The following DNAAF5 variants were observed in gnomAD, a reference collection of about 807,000 sequenced individuals.
The protein encoded by DNAAF5 is HEAT repeat containing 2.
In DNAAF5, 64 loss-of-function variants were observed where a neutral mutation model predicts 75.8. The observed-to-expected ratio is 0.84, with a 90% CI of 0.69 to 1.04. The LOEUF is 1.04. DNAAF5 is among the 50% of genes least tolerant of loss of function. DNAAF5 has a pLI of 0.00. For missense variants in DNAAF5, 1,269 were observed against 1,178.5 expected, an observed-to-expected ratio of 1.08 and a Z score of -1.12; for synonymous variants, 657 against 557.2, an observed-to-expected ratio of 1.18 and a Z score of -2.52.
chr7:744,335 A>T (rs569738973), intron 4 of DNAAF5, among the ~76,000 whole-genome samples: 1 of 152,144 alleles, frequency 6.6e-6, no homozygotes, highest in South Asian at 2.1e-4. Flanking sequence ...AATCCAGTCT[A>T]TCATTGTTGG....
rs1778455547 is a variant in DNAAF5 at position 768,974 on chromosome 7, G to A, written c.1784-1497G>A. On this transcript the variant is annotated intron_variant, in intron 8 of 12. Transcript: ENST00000297440. Reference sequence around the variant, plus strand: ...CTCTGGCGGGAGGCTCAAGTCAGGCGTCCCAGCAGCTTCGGTGCAACGCCT... The same window carrying A: ...CTCTGGCGGGAGGCTCAAGTCAGGCATCCCAGCAGCTTCGGTGCAACGCCT... 8.6e-6 allele frequency: 5 copies of A among 584,522 alleles called. No individual in the cohort carries two copies. The Admixed American group carries it at 1.1e-4, about 13-fold the overall frequency. The allele number at this position is 584,522 out of a possible 1,614,324, so 36.2% of individuals were successfully genotyped here.
At chr7:783,668 G>A (rs1461514714) in intron 12 of DNAAF5, among the ~76,000 whole-genome samples, 1 of 152,198 alleles carries the variant, frequency 6.6e-6, no homozygotes, top group East Asian at 1.9e-4. Flanking sequence ...AGCAGCTCAC[G>A]TGCAGGCCTC....
intron 9 of DNAAF5, 35 bp downstream of exon 9, chr7:770,653 C>T (rs774241815): frequency 2.1e-5 from 33 of 1,600,198 alleles, no homozygotes; most frequent in Non-Finnish European, 2.6e-5. Context: ...CGGCCCCCAG[C>T]TGGGGCCTGG....
In DNAAF5 at chr7:728,601, T is replaced by TTAA. The variant is rs570228226; in HGVS notation, c.596-1060_596-1058dup. Among the ~76,000 whole-genome samples, 352 of 152,286 alleles carry TTAA rather than the reference T, an allele frequency of 2.3e-3. 1 individual carries two copies. The highest frequency in any genetic ancestry group is 8.0e-3 in the African/African-American group (333 of 41,538). ...CATGGCCATTGAGAATTCCTGGCAT[T>TTAA]TAATGTATTTCTTCTTCATCCTCAA... On this transcript the variant is annotated intron_variant, in intron 1 of 12. Transcript: ENST00000297440.
At chr7:755,673 GTGAGCTA>G (rs1383270943) in intron 5 of DNAAF5, among the ~76,000 whole-genome samples, 1 of 152,162 alleles carries the variant, frequency 6.6e-6, no homozygotes, top group African/African-American at 2.4e-5. Flanking sequence ...TGAGGCCTCA[GTGAGCTA>G]TGATTGCGCC....
chr7:757,729 G>A (rs1361718167), intron 6 of DNAAF5, among the ~76,000 whole-genome samples: 1 of 152,256 alleles, frequency 6.6e-6, no homozygotes, highest in South Asian at 2.1e-4. Context: ...CCCTGTCAGT[G>A]TGTGTGTTGG....
At chr7:744,476 A>C (rs1782020456) in intron 4 of DNAAF5, among the ~76,000 whole-genome samples, 1 of 152,216 alleles carries the variant, frequency 6.6e-6, no homozygotes, top group African/African-American at 2.4e-5. Flanking sequence ...GGCTGGGTCA[A>C]ATGGTATGTG....
chr7:727,387 C>A, intron 1 of DNAAF5, 72 bp downstream of exon 1: 1 of 873,874 alleles, frequency 1.1e-6, no homozygotes, highest in Non-Finnish European at 1.5e-6. Flanking sequence ...CGCGGCCCCT[C>A]TCACAACCCC....
intron 10 of DNAAF5, among the ~76,000 whole-genome samples, chr7:774,746 G>C (rs1778701020): frequency 6.6e-6 from 1 of 152,216 alleles, no homozygotes; most frequent in South Asian, 2.1e-4. Context: ...ACGTCCTTGG[G>C]GCCCAGGCGA....
chr7:784,453 CT>C (rs1385867810), intron 12 of DNAAF5, among the ~76,000 whole-genome samples: 1 of 152,182 alleles, frequency 6.6e-6, no homozygotes, highest in Non-Finnish European at 1.5e-5. Flanking sequence ...CCTGGACCCC[CT>C]CTTAACTCCC....
chr7:784,956 G>T (rs577093797), intron 12 of DNAAF5, among the ~76,000 whole-genome samples: 1 of 152,092 alleles, frequency 6.6e-6, no homozygotes, highest in South Asian at 2.1e-4. Context: ...TTCACATAGT[G>T]ACCATGCAGC....
chr7:781,150 A>G (rs1052218427), intron 12 of DNAAF5, among the ~76,000 whole-genome samples: 6 of 152,156 alleles, frequency 3.9e-5, no homozygotes, highest in East Asian at 1.9e-4. Context: ...TTTTGTACTC[A>G]TTAACCATCC....
intron 6 of DNAAF5, among the ~76,000 whole-genome samples, chr7:758,225 A>G (rs777156341): frequency 1.3e-5 from 2 of 152,246 alleles, no homozygotes; most frequent in East Asian, 1.9e-4. Flanking sequence ...CAGATTTGCA[A>G]GCCAGAAGCA....
intron 2 of DNAAF5, chr7:732,522 A>G: frequency 2.2e-6 from 1 of 456,104 alleles, no homozygotes; most frequent in Non-Finnish European, 4.4e-6. Flanking sequence ...TCTTGTCAAG[A>G]GAGACCTTCC....
Position 763,808 on chromosome 7 carries a change from A to C in DNAAF5, c.1617A>C (p.Ala539=). 6.2e-7 allele frequency: 1 copy of C among 1,613,256 alleles called. No homozygotes were observed. The highest frequency in any genetic ancestry group is 8.5e-7 in the Non-Finnish European group (1 of 1,179,984). The part of the protein sequence containing the change: ...LAGATGLRDK[A]QETMDSLAMV... ...AGTCTCTGACTTGTAACCTCCAGGC[A>C]CAGGAGACGATGGACTCACTGGCCA... The change falls in exon 8 of 13, where the codon GCA becomes GCC. Residue 539 remains alanine, a splice_region_variant and synonymous_variant. Coordinates refer to ENST00000297440, the MANE Select transcript of DNAAF5 (RefSeq NM_017802.4).
chr7:738,519 G>A (rs932067078), intron 2 of DNAAF5, among the ~76,000 whole-genome samples: 2 of 152,008 alleles, frequency 1.3e-5, no homozygotes, highest in Non-Finnish European at 2.9e-5. Flanking sequence ...CATCTTTGCA[G>A]TCTGGGCTTG....
At chr7:762,088 G>A (rs965484487) in intron 7 of DNAAF5, among the ~76,000 whole-genome samples, 192 bp downstream of exon 7, 3 of 152,160 alleles carry the variant, frequency 2.0e-5, no homozygotes, top group African/African-American at 7.2e-5. Flanking sequence ...GTGTATTCTG[G>A]CATCAGGGAG....
Position 739,549 on chromosome 7 carries a change from G to A in DNAAF5, c.781-1270G>A, listed in dbSNP as rs572266651. On this transcript the variant is annotated intron_variant, in intron 2 of 12. Coordinates refer to ENST00000297440, the MANE Select transcript of DNAAF5 (RefSeq NM_017802.4). ...GTCAGTTAATGACCCCGGCAAACGC[G>A]CCACACATTCCTGTGTCCCCTCGCG... 2.6e-3 allele frequency among the ~76,000 whole-genome samples: 389 copies of A among 152,296 alleles called. 1 individual carries two copies. The highest frequency in any genetic ancestry group is 9.0e-3 in the African/African-American group (375 of 41,540).
At chr7:781,606 G>A (rs1308423451) in intron 12 of DNAAF5, among the ~76,000 whole-genome samples, 3 of 152,046 alleles carry the variant, frequency 2.0e-5, no homozygotes, top group African/African-American at 7.2e-5. Context: ...TTCTCCCAGC[G>A]GTGCTCATTT....
Sources: gnomAD v4.1 joint callset for allele counts (sites outside exome capture counted in the v4.1 genomes callset) on GRCh38, gnomAD v4.1.1 for gene constraint, MANE v1.5 for transcripts, NCBI Gene and HGNC (gene_info 2026-07-23, HGNC 2026-07-21) for gene names.